Variants in KMT5B observed in about 807,000 individuals in gnomAD.
KMT5B encodes histone-lysine N-methyltransferase KMT5B.
In KMT5B, 10 loss-of-function variants were observed where a neutral mutation model predicts 83.2. The observed-to-expected ratio is 0.12, with a 90% CI of 0.07 to 0.20. KMT5B has a LOEUF of 0.20. Ranked by LOEUF, KMT5B falls within the 10% of genes least tolerant of loss-of-function variation. KMT5B has a pLI of 1.00. For synonymous variants in KMT5B, 349 were observed against 388.8 expected (o/e 0.90, Z 1.20); for missense variants, 753 against 1,067.2 (o/e 0.71, Z 4.10).
intron 1 of KMT5B, among the ~76,000 whole-genome samples, chr11:68,194,173 G>A (rs1406870080): frequency 2.0e-5 from 3 of 150,166 alleles, no homozygotes; most frequent in African/African-American, 7.4e-5. Context: ...CACTTCGGGA[G>A]AGCATCAAGT....
rs748061265 is a variant in KMT5B, at chr11:68,158,506, ACTT to A, written c.1837_1839del (p.Lys613del). ...TGTTTCACAAGTTTTCCTTGTCGTG[ACTT>A]CTTTTTGGACATGCCTGTGTCACTC... On this transcript the variant is annotated inframe_deletion, in exon 11 of 11. Coordinates refer to ENST00000304363, the MANE Select transcript of KMT5B (RefSeq NM_017635.5). The A allele has an allele frequency of 1.4e-5, 22 of 1,613,786 alleles. No individual in the cohort carries two copies. The South Asian group carries it at 2.4e-4, about 18-fold the overall frequency.
In KMT5B at chr11:68,166,273, G is replaced by A. The variant is rs574291240; in HGVS notation, c.1174+709C>T. On this transcript the variant is annotated intron_variant, in intron 10 of 10. Transcript: ENST00000304363. ...GATGTGCTTTCCTTTGCCCATTTAG[G>A]GTTTCTTCTCTTTCCTTTCTCTTTG... The A allele has an allele frequency of 1.5e-5, 17 of 1,123,664 alleles. No individual in the cohort carries two copies. The South Asian group carries it at 4.2e-4, about 28-fold the overall frequency. The allele number at this position is 1,123,664 out of a possible 1,614,324, so 69.6% of individuals were successfully genotyped here.
chr11:68,195,585 T>C (rs774812244), intron 1 of KMT5B, among the ~76,000 whole-genome samples: 2 of 152,224 alleles, frequency 1.3e-5, no homozygotes, highest in Non-Finnish European at 2.9e-5. Context: ...AACAAGATTA[T>C]GTTATTTTCC....
intron 2 of KMT5B, chr11:68,189,714 A>G (rs2153072022): frequency 2.4e-6 from 1 of 408,628 alleles, no homozygotes; most frequent in Admixed American, 4.3e-5. Flanking sequence ...TAAAATAATT[A>G]TATGAAGCAT....
intron 10 of KMT5B, chr11:68,166,717 G>T: frequency 7.8e-7 from 1 of 1,287,402 alleles, no homozygotes; most frequent in Non-Finnish European, 9.9e-7. Context: ...AACATATGAT[G>T]ACCTTGGAAC....
rs868577661 is a variant in KMT5B, at chr11:68,181,863, G to A, written c.309-1663C>T. 2.6e-5 allele frequency among the ~76,000 whole-genome samples: 4 copies of A among 152,146 alleles called. No homozygotes were observed. The South Asian group carries it at 6.2e-4, about 24-fold the overall frequency. On this transcript the variant is annotated intron_variant, in intron 3 of 10. Coordinates refer to ENST00000304363, the MANE Select transcript of KMT5B (RefSeq NM_017635.5). Reference sequence around the variant, plus strand: ...CAAGAGTGTAAAAGCACACGTAAACGGAACACTCTGGTGGGAAGTAGGCAG... The same window carrying A: ...CAAGAGTGTAAAAGCACACGTAAACAGAACACTCTGGTGGGAAGTAGGCAG...
intron 2 of KMT5B, among the ~76,000 whole-genome samples, chr11:68,189,428 A>T (rs1203947068): frequency 1.3e-5 from 2 of 152,258 alleles, no homozygotes; most frequent in Non-Finnish European, 2.9e-5. Context: ...CTGTATAAAT[A>T]GAATAAATTG....
At chr11:68,198,818 T>C (rs76181394) in intron 1 of KMT5B, among the ~76,000 whole-genome samples, 15,137 of 152,204 alleles carry the variant, frequency 0.099, 817 homozygotes, top group East Asian at 0.23. Flanking sequence ...CAACCTCCGC[T>C]TCCCGGGTTC....
intron 2 of KMT5B, among the ~76,000 whole-genome samples, chr11:68,186,348 G>A (rs1179024193): frequency 1.3e-5 from 2 of 152,190 alleles, no homozygotes; most frequent in African/African-American, 2.4e-5. Flanking sequence ...TGCAAGAAGC[G>A]CCAGAACTCC....
chr11:68,164,378 A>G (rs984851424), intron 10 of KMT5B, among the ~76,000 whole-genome samples: 2 of 152,208 alleles, frequency 1.3e-5, no homozygotes, highest in African/African-American at 4.8e-5. Flanking sequence ...TACACAGCAC[A>G]TGCACCCACC....
At chr11:68,191,328 G>A (rs1351669786) in intron 1 of KMT5B, among the ~76,000 whole-genome samples, 1 of 151,026 alleles carries the variant, frequency 6.6e-6, no homozygotes, top group Non-Finnish European at 1.5e-5. Context: ...GCCTGGCTAA[G>A]AAAGAATATA....
chr11:68,156,266 A>G lies in KMT5B; in HGVS notation c.*1422T>C, dbSNP rs527534078. On this transcript the variant is annotated 3_prime_UTR_variant, in exon 11 of 11. Coordinates refer to ENST00000304363, the MANE Select transcript of KMT5B (RefSeq NM_017635.5). ...AAATAAAGAGACCTACTGGTGTCAA[A>G]CACCTGTTACAGATTTATATTCCCA... 34 of 152,712 alleles carry G rather than the reference A, an allele frequency of 2.2e-4. No homozygotes were observed. The South Asian group carries it at 6.8e-3, about 31-fold the overall frequency. The allele number at this position is 152,712 out of a possible 1,614,324, so 9.5% of individuals were successfully genotyped here. A position where few individuals can be genotyped will look rare whatever the true frequency, so the allele number is the denominator to read the frequency against.
Position 68,171,122 on chromosome 11 carries a change from A to G in KMT5B, c.870T>C (p.Cys290=). The G allele has an allele frequency of 6.2e-7, 1 of 1,610,948 alleles. No homozygotes were observed. Residue 290 remains cysteine, a synonymous_variant, in exon 9 of 11, where the codon TGT becomes TGC. Coordinates refer to ENST00000304363, the MANE Select transcript of KMT5B (RefSeq NM_017635.5). The surrounding 1 kb of genome is among the most constrained non-coding windows in gnomAD (Gnocchi z 5.1). The stretch of plus-strand genomic sequence containing the variant: ...GTTCAATGTCTCTTAGAGCCTTCAC[A>G]CATGCTGTATCTCGACCAGTTGACA... The part of the protein sequence containing the change: ...KFVSTGRDTA[C]VKALRDIEPG...
rs1338629059 is a variant in KMT5B, at chr11:68,171,586, G to T, written c.777C>A (p.Asn259Lys). 6.2e-7 allele frequency: 1 copy of T among 1,614,078 alleles called. No individual in the cohort carries two copies. The change falls in exon 7 of 11, where the codon AAC (asparagine) becomes AAA (lysine). Residue 259 changes from asparagine (N) to lysine (K), a missense_variant. Asn to Lys is a moderately conservative substitution (Grantham distance 94). This residue lies in a region of KMT5B where 34 missense variants were observed against 172.5 expected (regional missense o/e 0.20). Coordinates refer to ENST00000304363, the MANE Select transcript of KMT5B (RefSeq NM_017635.5). This position sits in a 1 kb window ranked among gnomAD's most constrained non-coding sequence, Gnocchi z 5.1. ...DFSVMYSTRK[N>K]CAQLWLGPAA... The stretch of plus-strand genomic sequence containing the variant: ...CAGGACCCAGCCAGAGTTGAGCACA[G>T]TTTTTCCTTGTGGAGTACATGACAC...
At position 68,157,802 on chromosome 11, in the gene KMT5B, A is replaced by G. The variant is rs1859404534; in HGVS notation, c.2544T>C (p.Asp848=). 1.9e-6 allele frequency: 3 copies of G among 1,614,182 alleles called. No individual in the cohort carries two copies. The highest frequency in any genetic ancestry group is 2.5e-6 in the Non-Finnish European group (3 of 1,180,034). ...EDDYDDDFED[D]FIPLPPAKRL... is the part of the protein sequence containing the mutation. ...GCTTAGCTGGAGGAAGAGGAATAAAATCGTCTTCAAAGTCATCATCATAGT... is the reference window on the plus strand; with the variant it reads ...GCTTAGCTGGAGGAAGAGGAATAAAGTCGTCTTCAAAGTCATCATCATAGT... Residue 848 remains aspartate, a synonymous_variant, in exon 11 of 11, where the codon GAT becomes GAC. Transcript: ENST00000304363.
intron 1 of KMT5B, among the ~76,000 whole-genome samples, chr11:68,192,462 G>A (rs558988175): frequency 1.8e-4 from 27 of 152,068 alleles, no homozygotes; most frequent in Non-Finnish European, 3.2e-4. Context: ...ACAAACAGCA[G>A]GTGCTCAACA....
chr11:68,199,861 A>C (rs1260974716), intron 1 of KMT5B, among the ~76,000 whole-genome samples: 2 of 152,220 alleles, frequency 1.3e-5, no homozygotes, highest in African/African-American at 4.8e-5. Context: ...GATTGAATGC[A>C]GGTGTAGGAG....
chr11:68,184,382 GA>G (rs961590835), intron 3 of KMT5B, among the ~76,000 whole-genome samples: 10 of 150,486 alleles, frequency 6.6e-5, no homozygotes, highest in African/African-American at 2.2e-4. Context: ...AAAAAGAAAA[GA>G]AAAAAAAATT....
rs1337386427 is a variant in KMT5B at position 68,196,348 on chromosome 11, T to C, written c.-76-6196A>G. Among the ~76,000 whole-genome samples, 7 of 151,570 alleles carry C rather than the reference T, an allele frequency of 4.6e-5. No individual in the cohort carries two copies. The South Asian group carries it at 6.3e-4, about 14-fold the overall frequency. ...ACTGCCAAATCTAGTTATATACTTA[T>C]GCTATAAAACTTAAGTGAAAGCCCT... On this transcript the variant is annotated intron_variant, in intron 1 of 10. Transcript: ENST00000304363.
Sources: allele counts gnomAD v4.1 joint callset (sites outside exome capture counted in the v4.1 genomes callset), GRCh38; gene constraint gnomAD v4.1.1; regional missense constraint gnomAD v4.1.1; non-coding constraint Gnocchi (gnomAD v3.1); transcripts MANE v1.5; gene names NCBI Gene and HGNC (gene_info 2026-07-23, HGNC 2026-07-21).